Variants in PCDHA7 observed in about 807,000 individuals in gnomAD.
PCDHA7 encodes the protein protocadherin alpha 7.
In PCDHA7, 37 loss-of-function variants were observed where a neutral mutation model predicts 57.2. The ratio of observed to expected loss-of-function variants is 0.65; its 90% CI spans 0.50 to 0.85. The LOEUF (loss-of-function observed/expected upper bound fraction) is 0.85, where lower values mean the gene tolerates loss of function less well. Among genes scored for constraint, PCDHA7 ranks in the 40% least tolerant of loss-of-function variants. PCDHA7 has a pLI of 0.00. For missense variants in PCDHA7, 1,188 were observed against 1,241.8 expected (o/e 0.96, Z 0.65); for synonymous variants, 553 against 558.8 (o/e 0.99, Z 0.15).
At chr5:140,949,360 T>G (rs1178484553) in intron 1 of PCDHA7, among the ~76,000 whole-genome samples, 1 of 151,868 alleles carries the variant, frequency 6.6e-6, no homozygotes, top group South Asian at 2.1e-4. Context: ...TTTATTTTTT[T>G]GTCTAGTTGT....
At chr5:140,922,190 T>C (rs1486044845) in intron 1 of PCDHA7, among the ~76,000 whole-genome samples, 2 of 152,154 alleles carry the variant, frequency 1.3e-5, no homozygotes, top group African/African-American at 4.8e-5. Flanking sequence ...AAAAAAGTCT[T>C]ATCTTTAATG....
At chr5:141,005,689 G>A (rs980293858) in intron 3 of PCDHA7, among the ~76,000 whole-genome samples, 12 of 95,950 alleles carry the variant, frequency 1.3e-4, no homozygotes, top group African/African-American at 4.3e-4. Context: ...GCGACAGAGC[G>A]AAACTCCGTC....
At chr5:140,964,473 T>G (rs1457345251) in intron 1 of PCDHA7, among the ~76,000 whole-genome samples, 13 of 152,068 alleles carry the variant, frequency 8.5e-5, no homozygotes, top group African/African-American at 3.1e-4. Flanking sequence ...TGCCTATGAT[T>G]TTTTCACAGT....
At chr5:140,870,587 A>T (rs1185262788) in intron 1 of PCDHA7, 2 of 1,613,660 alleles carry the variant, frequency 1.2e-6, no homozygotes, top group East Asian at 2.2e-5. Flanking sequence ...TCGCTGGTGG[A>T]GCGGCGGTTG....
chr5:140,938,500 T>C (rs1450018538), intron 1 of PCDHA7, among the ~76,000 whole-genome samples: 2 of 152,156 alleles, frequency 1.3e-5, no homozygotes, highest in Non-Finnish European at 2.9e-5. Context: ...AGGCATTGAA[T>C]TTATCACATA....
At chr5:140,982,298 A>G (rs1371152402) in intron 2 of PCDHA7, 177 bp from the exon 3 acceptor site, 12 of 1,189,736 alleles carry the variant, frequency 1.0e-5, no homozygotes, top group Admixed American at 5.6e-5. Flanking sequence ...TAAGTCAGCA[A>G]TGCTTCTGCA....
At chr5:140,877,497 C>G in intron 1 of PCDHA7, 1 of 1,613,848 alleles carries the variant, frequency 6.2e-7, no homozygotes, top group South Asian at 1.1e-5. Context: ...ACGGCCAGGC[C>G]CCAAAGACGT....
intron 1 of PCDHA7, among the ~76,000 whole-genome samples, chr5:140,886,605 A>C (rs998772471): frequency 2.6e-5 from 4 of 152,108 alleles, no homozygotes; most frequent in Admixed American, 6.5e-5. Flanking sequence ...AGGTGGGCGG[A>C]TCAGGAGATC....
rs1478776734 is a variant in PCDHA7 at position 141,010,917 on chromosome 5, A to G, written c.*980A>G. ...TACAATTCCCCTAAACTCTCCTCAA[A>G]AGAGAATTCAGTCTACAGCCATTTA... On this transcript the variant is annotated 3_prime_UTR_variant, in exon 4 of 4. Coordinates refer to ENST00000525929, the MANE Select transcript of PCDHA7 (RefSeq NM_018910.3). The G allele has an allele frequency of 6.5e-6, 1 of 153,776 alleles. No homozygotes were observed. The highest frequency in any genetic ancestry group is 1.5e-5 in the Non-Finnish European group (1 of 68,048). The allele number at this position is 153,776 out of a possible 1,614,324, so 9.5% of individuals were successfully genotyped here.
Position 140,839,190 on chromosome 5 carries a change from A to G in PCDHA7, c.2355+2452A>G, listed in dbSNP as rs185787528. Among the ~76,000 whole-genome samples, 211 of 138,022 alleles carry G rather than the reference A, an allele frequency of 1.5e-3. 1 individual carries two copies. The highest frequency in any genetic ancestry group is 4.2e-3 in the Admixed American group (57 of 13,704). The allele number at this position is 138,022 out of a possible 152,430, so 90.5% of individuals were successfully genotyped here. A position where few individuals can be genotyped will look rare whatever the true frequency, so the allele number is the denominator to read the frequency against. ...GATATTCAGTTTTGTGGAAAAATCTATAAATATCTTTGACCTTCAAAGATG... is the reference window on the plus strand; with the variant it reads ...GATATTCAGTTTTGTGGAAAAATCTGTAAATATCTTTGACCTTCAAAGATG... On this transcript the variant is annotated intron_variant, in intron 1 of 3. Transcript: ENST00000525929.
intron 1 of PCDHA7, chr5:140,871,330 G>A: frequency 1.9e-6 from 3 of 1,614,116 alleles, no homozygotes; most frequent in South Asian, 1.1e-5. Flanking sequence ...GTGCTCCCGC[G>A]CGGTGGGGAG....
chr5:140,949,976 TACTTA>T (rs2094437494), intron 1 of PCDHA7, among the ~76,000 whole-genome samples: 1 of 151,940 alleles, frequency 6.6e-6, no homozygotes, highest in Admixed American at 6.6e-5. Flanking sequence ...ACAGCATACA[TACTTA>T]ACTTTTCTCA....
chr5:140,868,423 T>A (rs1554161972), intron 1 of PCDHA7: 1 of 151,106 alleles, frequency 6.6e-6, no homozygotes, highest in African/African-American at 2.4e-5. Flanking sequence ...CCCACAGAGA[T>A]GAGAATAGAT....
intron 3 of PCDHA7, among the ~76,000 whole-genome samples, chr5:141,003,751 T>G (rs3822342): frequency 0.05 from 7,683 of 152,316 alleles, 243 homozygotes; most frequent in South Asian, 0.11. Flanking sequence ...ATATTTTGTA[T>G]AATTATGGTC....
Position 140,848,772 on chromosome 5 carries a change from G to C in PCDHA7, c.2355+12034G>C, listed in dbSNP as rs2150420106. 4 of 1,593,480 alleles carry C rather than the reference G, an allele frequency of 2.5e-6. No individual in the cohort carries two copies. In the African/African-American group the frequency reaches 5.4e-5, roughly 21 times the overall value. ...GTTTGTGAATTCTCGGATCGACCGC[G>C]AGGAGCTGTGCGGGCGGAGCGCGGA... On this transcript the variant is annotated intron_variant, in intron 1 of 3. Coordinates refer to ENST00000525929, the MANE Select transcript of PCDHA7 (RefSeq NM_018910.3).
intron 1 of PCDHA7, among the ~76,000 whole-genome samples, chr5:140,964,195 T>C (rs2095816434): frequency 6.6e-6 from 1 of 152,216 alleles, no homozygotes; most frequent in South Asian, 2.1e-4. Context: ...AAATAGAGTA[T>C]ACCATCTCTT....
rs546348432 is a variant in PCDHA7, at chr5:141,012,203, T to G, written c.*2266T>G. ...TTATAATGTATCTGTACAGCACTTTTTACATTTGCGAAGTGCTTTCCAATC... is the reference window on the plus strand; with the variant it reads ...TTATAATGTATCTGTACAGCACTTTGTACATTTGCGAAGTGCTTTCCAATC... On this transcript the variant is annotated 3_prime_UTR_variant, in exon 4 of 4. Transcript: ENST00000525929. 2.0e-5 allele frequency: 3 copies of G among 153,792 alleles called. No individual in the cohort carries two copies. The highest frequency in any genetic ancestry group is 4.4e-5 in the Non-Finnish European group (3 of 68,050). The allele number at this position is 153,792 out of a possible 1,614,324, so 9.5% of individuals were successfully genotyped here.
At chr5:140,899,193 G>T (rs2153463118) in intron 1 of PCDHA7, among the ~76,000 whole-genome samples, 1 of 151,990 alleles carries the variant, frequency 6.6e-6, no homozygotes, top group Middle Eastern at 3.4e-3. Context: ...TCCTTCTCCT[G>T]CCTAATTGCC....
At chr5:140,962,384 A>G (rs1234630298) in intron 1 of PCDHA7, among the ~76,000 whole-genome samples, 7 of 152,202 alleles carry the variant, frequency 4.6e-5, no homozygotes, top group Non-Finnish European at 8.8e-5. Context: ...ATCTGTTAAT[A>G]TTACGCAATC....
Sources: allele counts gnomAD v4.1 joint callset (sites outside exome capture counted in the v4.1 genomes callset), GRCh38; gene constraint gnomAD v4.1.1; transcripts MANE v1.5; gene names NCBI Gene and HGNC (gene_info 2026-07-23, HGNC 2026-07-21).